The following GABRG3 variants were observed in gnomAD, a reference collection of about 807,000 sequenced individuals.
GABRG3 encodes the protein gamma-aminobutyric acid receptor subunit gamma-3.
GABRG3 carries 25 observed loss-of-function variants against 48.8 expected under a neutral mutation model. That is an observed-to-expected ratio of 0.51 (90% CI 0.37 to 0.72). The LOEUF is 0.72. GABRG3 is among the 30% of genes least tolerant of loss of function. The pLI is 0.00. For synonymous variants in GABRG3, 227 were observed against 217.6 expected, an observed-to-expected ratio of 1.04 and a Z score of -0.38; for missense variants, 394 against 577.9, an observed-to-expected ratio of 0.68 and a Z score of 3.26.
At chr15:27,227,119 T>A (rs1217663510) in intron 3 of GABRG3, among the ~76,000 whole-genome samples, 1 of 152,124 alleles carries the variant, frequency 6.6e-6, no homozygotes, top group South Asian at 2.1e-4. Context: ...GCATAGAATG[T>A]TGTTGATTTA....
rs960217432 is a variant in GABRG3, at chr15:27,493,432, A to G, written c.712+12645A>G. ...GAGAGATTCATAGACCAGTATGCAG[A>G]TAGAAAATGTAGCAATGTTTGATAA... On this transcript the variant is annotated intron_variant, in intron 6 of 9. Coordinates refer to ENST00000615808, the MANE Select transcript of GABRG3 (RefSeq NM_033223.5). Among the ~76,000 whole-genome samples, 3 of 152,356 alleles carry G rather than the reference A, an allele frequency of 2.0e-5. No individual in the cohort carries two copies. In the East Asian group the frequency reaches 5.8e-4, roughly 29 times the overall value.
At chr15:27,004,150 A>C (rs1236002243) in intron 2 of GABRG3, among the ~76,000 whole-genome samples, 1 of 146,402 alleles carries the variant, frequency 6.8e-6, no homozygotes, top group African/African-American at 2.5e-5. Flanking sequence ...TCCCTCCCGG[A>C]CGGGGTGGCT....
At chr15:26,988,751 T>A (rs1895195539) in intron 2 of GABRG3, among the ~76,000 whole-genome samples, 1 of 152,164 alleles carries the variant, frequency 6.6e-6, no homozygotes, top group Admixed American at 6.5e-5. Flanking sequence ...TTTTCCTAAT[T>A]AGCCGTAACT....
intron 6 of GABRG3, 63 bp downstream of exon 6, chr15:27,480,850 T>C: frequency 6.3e-7 from 1 of 1,584,112 alleles, no homozygotes; most frequent in Non-Finnish European, 8.6e-7. Flanking sequence ...CCATATGTAG[T>C]CATATCCTTA....
intron 3 of GABRG3, among the ~76,000 whole-genome samples, chr15:27,080,988 C>T (rs933059916): frequency 6.6e-6 from 1 of 152,142 alleles, no homozygotes; most frequent in Non-Finnish European, 1.5e-5. Context: ...GGAGAAGAGG[C>T]AGGCCACCCC....
Position 27,520,139 on chromosome 15 carries a change from A to C in GABRG3, c.865+15A>C. 5 of 1,584,150 alleles carry C rather than the reference A, an allele frequency of 3.2e-6. No individual in the cohort carries two copies. The highest frequency in any genetic ancestry group is 4.3e-6 in the Non-Finnish European group (5 of 1,167,596). On this transcript the variant is annotated intron_variant, in intron 7 of 9. Coordinates refer to ENST00000615808, the MANE Select transcript of GABRG3 (RefSeq NM_033223.5). ...AACAGCATTAGGTGAGTTTCAAAAA[A>C]TCTCTTCCACAAATTTGCGTAATTG...
chr15:26,976,951 C>T lies in GABRG3; in HGVS notation c.54-51C>T, dbSNP rs140671. On this transcript the variant is annotated intron_variant, in intron 1 of 9. Transcript: ENST00000615808. This position sits in a 1 kb window ranked among gnomAD's most constrained non-coding sequence, Gnocchi z 7.8. ...TGGATAGGACAAACTTAGGCTCTTC[C>T]TAGAGCCATTGCTGCCACTTATATG... is the stretch of plus-strand genomic sequence containing the variant. The T allele has an allele frequency of 1.2e-6, 2 of 1,602,498 alleles. No homozygotes were observed. The highest frequency in any genetic ancestry group is 1.3e-5 in the African/African-American group (1 of 74,588).
At chr15:27,262,849 T>C (rs1890806917) in intron 3 of GABRG3, among the ~76,000 whole-genome samples, 1 of 152,226 alleles carries the variant, frequency 6.6e-6, no homozygotes, top group African/African-American at 2.4e-5. Context: ...AATTTTGAGA[T>C]AACAGAGAGT....
intron 3 of GABRG3, among the ~76,000 whole-genome samples, chr15:27,237,171 A>G (rs532116744): frequency 6.6e-6 from 1 of 152,366 alleles, no homozygotes; most frequent in South Asian, 2.1e-4. Flanking sequence ...TCCTTCAGAC[A>G]TATTTATCAC....
chr15:27,135,485 G>A (rs1324840083), intron 3 of GABRG3, among the ~76,000 whole-genome samples: 1 of 152,212 alleles, frequency 6.6e-6, no homozygotes, highest in East Asian at 1.9e-4. Flanking sequence ...AGTACTTAGT[G>A]TAGATATTTA....
chr15:27,521,907 G>C (rs1454306945), intron 7 of GABRG3, among the ~76,000 whole-genome samples: 1 of 152,008 alleles, frequency 6.6e-6, no homozygotes, highest in African/African-American at 2.4e-5. Flanking sequence ...GACTATAACT[G>C]AGGTGATAGT....
rs1202716717 is a variant in GABRG3 at position 27,392,200 on chromosome 15, G to C, written c.574+63312G>C. Among the ~76,000 whole-genome samples, 3 of 152,040 alleles carry C rather than the reference G, an allele frequency of 2.0e-5. No homozygotes were observed. The East Asian group carries it at 5.8e-4, about 29-fold the overall frequency. On this transcript the variant is annotated intron_variant, in intron 5 of 9. Transcript: ENST00000615808. ...TAACCCAGTATTGATATATTAACTA[G>C]CCTCCACGCTTTGTTCATATTCCAT...
At chr15:27,326,747 A>G in intron 3 of GABRG3, 62 bp from the exon 4 acceptor site, 1 of 1,359,106 alleles carries the variant, frequency 7.4e-7, no homozygotes, top group Non-Finnish European at 1.0e-6. Context: ...TGACAAAGAG[A>G]ACAAATTATA....
intron 3 of GABRG3, among the ~76,000 whole-genome samples, chr15:27,321,842 A>G (rs1260777938): frequency 3.9e-5 from 6 of 152,388 alleles, no homozygotes; most frequent in Admixed American, 3.9e-4. Flanking sequence ...TTACAGATGG[A>G]TATTGTGAAT....
chr15:27,174,583 C>CATCTCT (rs1566954767), intron 3 of GABRG3, among the ~76,000 whole-genome samples: 1 of 121,864 alleles, frequency 8.2e-6, no homozygotes, highest in African/African-American at 4.2e-5. Context: ...CTCTCTCTCT[C>CATCTCT]GTCTCTCTCT....
Position 27,055,105 on chromosome 15 carries a change from G to T in GABRG3, c.270+28284G>T, listed in dbSNP as rs149166794. Among the ~76,000 whole-genome samples, 512 of 149,368 alleles carry T rather than the reference G, an allele frequency of 3.4e-3. 3 individuals are homozygous for T. The highest frequency in any genetic ancestry group is 6.8e-3 in the Middle Eastern group (2 of 292). On this transcript the variant is annotated intron_variant, in intron 3 of 9. Transcript: ENST00000615808. ...ACAGCAGCAGCAGCAACAACAACTA[G>T]CCCCCCAAACAAAAGAAGGCTGTGT...
In GABRG3 at chr15:27,527,616, A is replaced by G; in HGVS notation, c.1049A>G (p.Lys350Arg). The change falls in exon 8 of 10, where the codon AAG (lysine) becomes AGG (arginine). Residue 350 changes from lysine to arginine, a missense_variant. Coordinates refer to ENST00000615808, the MANE Select transcript of GABRG3 (RefSeq NM_033223.5). ...AGCTGTAGAAAACCAACCACCACGA[A>G]GAAGACAACATCGGTGAGCTGCAGT... The part of the protein sequence containing the change: ...YSSCRKPTTT[K>R]KTTSLLHPDS... 2.5e-6 allele frequency: 4 copies of G among 1,609,996 alleles called. No individual in the cohort carries two copies. The highest frequency in any genetic ancestry group is 3.4e-6 in the Non-Finnish European group (4 of 1,177,882).
intron 3 of GABRG3, among the ~76,000 whole-genome samples, chr15:27,029,462 C>T (rs1389291532): frequency 6.6e-6 from 1 of 152,068 alleles, no homozygotes; most frequent in Non-Finnish European, 1.5e-5. Context: ...CACACGCATG[C>T]ACACATGCAC....
chr15:27,243,091 A>G (rs187488465), intron 3 of GABRG3, among the ~76,000 whole-genome samples: 1 of 152,300 alleles, frequency 6.6e-6, no homozygotes, highest in Admixed American at 6.5e-5. Context: ...GATAGGAGTT[A>G]CAGACTTCAG....
Sources: gnomAD v4.1 joint callset for allele counts (sites outside exome capture counted in the v4.1 genomes callset) on GRCh38, gnomAD v4.1.1 for gene constraint, Gnocchi (gnomAD v3.1) non-coding constraint, MANE v1.5 for transcripts, NCBI Gene and HGNC (gene_info 2026-07-23, HGNC 2026-07-21) for gene names.